LOC400499: variants seen among roughly 807,000 people sequenced by gnomAD.
At chr16:11,442,312 C>T in the LOC400499 span, 3 of 152,480 alleles carry the variant, frequency 2.0e-5, no homozygotes, top group African/African-American at 4.8e-5. Context: ...CCTCCACCTC[C>T]CAGGTTCAAG....
chr16:11,383,606 G>C, the LOC400499 span: 2 of 1,232,300 alleles, frequency 1.6e-6, no homozygotes, highest in Non-Finnish European at 2.0e-6. Context: ...GCAGATGCCA[G>C]ACGGGGCAGA....
At chr16:11,415,540 G>A in the LOC400499 span, among the ~76,000 whole-genome samples, 3 of 152,220 alleles carry the variant, frequency 2.0e-5, no homozygotes, top group Non-Finnish European at 4.4e-5. Flanking sequence ...GGTGGCCTCA[G>A]GAAATGCTTC....
the LOC400499 span, among the ~76,000 whole-genome samples, chr16:11,490,327 C>T: frequency 4.1e-5 from 6 of 145,904 alleles, no homozygotes; most frequent in African/African-American, 1.3e-4. Flanking sequence ...ACCCAGAAGG[C>T]AGAGGTTGCA....
At chr16:11,463,001 G>A in the LOC400499 span, among the ~76,000 whole-genome samples, 3 of 152,078 alleles carry the variant, frequency 2.0e-5, no homozygotes, top group Admixed American at 6.6e-5. Flanking sequence ...ATCTCCACAC[G>A]GCAACCAGAC....
At chr16:11,436,088 T>A in the LOC400499 span, among the ~76,000 whole-genome samples, 2 of 152,122 alleles carry the variant, frequency 1.3e-5, no homozygotes, top group Non-Finnish European at 2.9e-5. Context: ...GGCCCAGGGG[T>A]ACAGTCCCAT....
chr16:11,485,450 G>C, the LOC400499 span, among the ~76,000 whole-genome samples: 1 of 152,142 alleles, frequency 6.6e-6, no homozygotes, highest in South Asian at 2.1e-4. Flanking sequence ...AAGGGCTCGT[G>C]TATCAATCAC....
the LOC400499 span, among the ~76,000 whole-genome samples, chr16:11,400,962 C>T: frequency 6.6e-6 from 1 of 152,148 alleles, no homozygotes; most frequent in Non-Finnish European, 1.5e-5. Context: ...CCAAAGCTAC[C>T]ACTAAACAAG....
the LOC400499 span, among the ~76,000 whole-genome samples, chr16:11,453,240 T>C: frequency 1.3e-5 from 2 of 152,218 alleles, no homozygotes; most frequent in Non-Finnish European, 2.9e-5. Context: ...TGCTCCAGAA[T>C]ATCAGATCCC....
chr16:11,432,149 C>G, the LOC400499 span, among the ~76,000 whole-genome samples: 10 of 152,222 alleles, frequency 6.6e-5, no homozygotes, highest in African/African-American at 2.2e-4. Flanking sequence ...CGTCCTCAGC[C>G]CATGCACACA....
At chr16:11,525,749 A>G in the LOC400499 span, among the ~76,000 whole-genome samples, 1 of 152,212 alleles carries the variant, frequency 6.6e-6, no homozygotes, top group East Asian at 1.9e-4. Context: ...CTGAGGTCTG[A>G]GAGCATTGTG....
chr16:11,510,241 G>T, the LOC400499 span, among the ~76,000 whole-genome samples: 87,964 of 151,248 alleles, frequency 0.58, 26,675 homozygotes, highest in Admixed American at 0.66. Context: ...TCTAGATGCT[G>T]TCCAACACCA....
chr16:11,432,209 A>G, the LOC400499 span, among the ~76,000 whole-genome samples: 1 of 152,372 alleles, frequency 6.6e-6, no homozygotes, highest in African/African-American at 2.4e-5. Context: ...CAAGAGTCCC[A>G]GAGAATGACC....
the LOC400499 span, chr16:11,380,989 G>A: frequency 8.0e-4 from 126 of 157,394 alleles, no homozygotes; most frequent in African/African-American, 2.8e-3. Flanking sequence ...CTTAAGCCTG[G>A]CTCTGCAAGA....
the LOC400499 span, among the ~76,000 whole-genome samples, chr16:11,484,139 C>T: frequency 6.6e-6 from 1 of 150,958 alleles, no homozygotes; most frequent in Non-Finnish European, 1.5e-5. Flanking sequence ...TCCCAAGCAC[C>T]TGGGACTACA....
At chr16:11,481,651 G>C in the LOC400499 span, among the ~76,000 whole-genome samples, 1 of 150,498 alleles carries the variant, frequency 6.6e-6, no homozygotes, top group Non-Finnish European at 1.5e-5. Flanking sequence ...TTATTTTTTT[G>C]AGACGGAGTC....
At chr16:11,456,868 T>A in the LOC400499 span, 2 of 1,536,216 alleles carry the variant, frequency 1.3e-6, no homozygotes, top group Non-Finnish European at 1.7e-6. Flanking sequence ...CCTTCCCACT[T>A]CCACAGGGTG....
the LOC400499 span, among the ~76,000 whole-genome samples, chr16:11,465,723 C>T: frequency 1.7e-3 from 247 of 149,046 alleles, 1 homozygote; most frequent in South Asian, 1.1e-3. Flanking sequence ...CAGTGATCTA[C>T]GATCACTGCA....
the LOC400499 span, among the ~76,000 whole-genome samples, chr16:11,467,747 A>G: frequency 5.3e-5 from 8 of 152,260 alleles, no homozygotes; most frequent in Non-Finnish European, 8.8e-5. Context: ...TAAAACCCAG[A>G]AACCCAAACT....
At chr16:11,506,687 G>A in the LOC400499 span, among the ~76,000 whole-genome samples, 10 of 152,110 alleles carry the variant, frequency 6.6e-5, no homozygotes, top group Admixed American at 5.9e-4. Context: ...TCGAAACTCC[G>A]GGGCCTCTCT....
Sources: gnomAD v4.1 joint callset for allele counts (sites outside exome capture counted in the v4.1 genomes callset) on GRCh38, gnomAD v4.1.1 for gene constraint, MANE v1.5 for transcripts.